PAG1: variants seen among roughly 807,000 people sequenced by gnomAD.
The protein encoded by PAG1 is phosphoprotein associated with glycosphingolipid-enriched microdomains 1.
PAG1 carries 23 observed loss-of-function variants against 31.7 expected under a neutral mutation model. That is an observed-to-expected ratio of 0.73 (90% CI 0.52 to 1.03). PAG1 has a LOEUF of 1.03. Among genes scored for constraint, PAG1 ranks in the 50% least tolerant of loss-of-function variants. The pLI is 0.00. For missense variants in PAG1, 473 were observed against 540.7 expected, an observed-to-expected ratio of 0.87 and a Z score of 1.24; for synonymous variants, 214 against 210.3, an observed-to-expected ratio of 1.02 and a Z score of -0.15.
At chr8:81,087,320 G>C (rs1809375830) in intron 1 of PAG1, among the ~76,000 whole-genome samples, 1 of 145,730 alleles carries the variant, frequency 6.9e-6, no homozygotes, top group African/African-American at 2.6e-5. Context: ...TTTAGCCTGG[G>C]CAACAGATGA....
chr8:81,006,516 G>A (rs924622482), intron 3 of PAG1, among the ~76,000 whole-genome samples: 1 of 152,190 alleles, frequency 6.6e-6, no homozygotes, highest in African/African-American at 2.4e-5. Context: ...CAGGGGCAGA[G>A]GCAGTGAAAC....
intron 1 of PAG1, among the ~76,000 whole-genome samples, chr8:81,106,814 C>T (rs1809700357): frequency 6.6e-6 from 1 of 152,092 alleles, no homozygotes; most frequent in Admixed American, 6.5e-5. Context: ...GGCTATGATA[C>T]AGACATGGAC....
chr8:81,104,342 C>T (rs1029960391), intron 1 of PAG1, among the ~76,000 whole-genome samples: 2 of 151,900 alleles, frequency 1.3e-5, no homozygotes, highest in African/African-American at 4.8e-5. Flanking sequence ...CTTAATCTTA[C>T]TATGCCATCT....
At chr8:81,006,065 C>T (rs1807871788) in intron 3 of PAG1, among the ~76,000 whole-genome samples, 1 of 152,166 alleles carries the variant, frequency 6.6e-6, no homozygotes, top group African/African-American at 2.4e-5. Context: ...ACCTTAGCCT[C>T]CCAAGTACCT....
chr8:81,019,257 A>C (rs1056841078), intron 3 of PAG1, among the ~76,000 whole-genome samples: 1 of 152,188 alleles, frequency 6.6e-6, no homozygotes, highest in Non-Finnish European at 1.5e-5. Context: ...AAAAAGAAAA[A>C]CCCATTTTCT....
At chr8:81,099,058 C>T (rs1322913180) in intron 1 of PAG1, among the ~76,000 whole-genome samples, 1 of 152,172 alleles carries the variant, frequency 6.6e-6, no homozygotes, top group Non-Finnish European at 1.5e-5. Flanking sequence ...TAGTTTTTCT[C>T]TAACTAAATG....
At chr8:80,984,718 C>G in intron 7 of PAG1, 58 bp downstream of exon 7, 1 of 1,521,328 alleles carries the variant, frequency 6.6e-7, no homozygotes, top group Non-Finnish European at 8.9e-7. Context: ...CCAGGGCCAG[C>G]TAGATTCCTA....
At chr8:81,021,604 T>C (rs1467048192) in intron 3 of PAG1, among the ~76,000 whole-genome samples, 1 of 151,202 alleles carries the variant, frequency 6.6e-6, no homozygotes, top group Non-Finnish European at 1.5e-5. Flanking sequence ...GTATTTCTTT[T>C]CTATGTAGCA....
chr8:80,991,350 G>A (rs534513921), intron 5 of PAG1, 129 bp downstream of exon 5: 148 of 727,222 alleles, frequency 2.0e-4, no homozygotes, highest in Non-Finnish European at 3.4e-4. Context: ...AGAAGCCACC[G>A]TTTAACTTAG....
intron 1 of PAG1, among the ~76,000 whole-genome samples, chr8:81,108,203 T>C (rs1809722932): frequency 6.6e-6 from 1 of 152,196 alleles, no homozygotes; most frequent in African/African-American, 2.4e-5. Flanking sequence ...ACTTTTACTA[T>C]AGAATAACCA....
At chr8:80,977,014 C>T (rs1807199804) in intron 8 of PAG1, 108 bp from the exon 9 acceptor site, 1 of 958,546 alleles carries the variant, frequency 1.0e-6, no homozygotes. Context: ...TGTGTGTACT[C>T]CTTAAAGATT....
chr8:81,003,651 G>A (rs1318620440), intron 3 of PAG1, among the ~76,000 whole-genome samples: 1 of 152,078 alleles, frequency 6.6e-6, no homozygotes, highest in African/African-American at 2.4e-5. Context: ...CCATGCCTCA[G>A]TTTCCCCTTC....
intron 5 of PAG1, 37 bp downstream of exon 5, chr8:80,991,442 G>C: frequency 6.5e-7 from 1 of 1,539,358 alleles, no homozygotes; most frequent in African/African-American, 1.4e-5. Flanking sequence ...TCTGGAGCAC[G>C]CACGGACAGA....
At chr8:81,077,091 T>G (rs1211366815) in intron 1 of PAG1, among the ~76,000 whole-genome samples, 1 of 152,210 alleles carries the variant, frequency 6.6e-6, no homozygotes, top group African/African-American at 2.4e-5. Flanking sequence ...CAGAGCTTGC[T>G]AAACAGTGTG....
At chr8:81,048,711 T>C (rs1460686925) in intron 2 of PAG1, among the ~76,000 whole-genome samples, 1 of 152,342 alleles carries the variant, frequency 6.6e-6, no homozygotes, top group Non-Finnish European at 1.5e-5. Flanking sequence ...GTCATTATTA[T>C]GATTTACATC....
At chr8:81,010,359 T>C (rs1348707135) in intron 3 of PAG1, among the ~76,000 whole-genome samples, 1 of 152,236 alleles carries the variant, frequency 6.6e-6, no homozygotes, top group Non-Finnish European at 1.5e-5. Context: ...CCACACTTTT[T>C]TTTGCTTGTT....
At chr8:81,091,977 G>T (rs1277860282) in intron 1 of PAG1, among the ~76,000 whole-genome samples, 2 of 144,990 alleles carry the variant, frequency 1.4e-5, no homozygotes, top group Non-Finnish European at 3.0e-5. Flanking sequence ...TCCAGCCTCA[G>T]CAACACAGCA....
chr8:80,988,026 T>G (rs1258679815), intron 5 of PAG1, among the ~76,000 whole-genome samples: 4 of 152,202 alleles, frequency 2.6e-5, no homozygotes, highest in African/African-American at 9.6e-5. Context: ...CCATATCCAA[T>G]AGGAGATACA....
intron 3 of PAG1, among the ~76,000 whole-genome samples, chr8:81,027,671 C>T (rs1450900615): frequency 6.6e-6 from 1 of 152,012 alleles, no homozygotes; most frequent in Non-Finnish European, 1.5e-5. Context: ...TTTGGGAGGC[C>T]GAGGCAGGCG....
Sources: allele counts gnomAD v4.1 joint callset (sites outside exome capture counted in the v4.1 genomes callset), GRCh38; gene constraint gnomAD v4.1.1; transcripts MANE v1.5; gene names NCBI Gene and HGNC (gene_info 2026-07-23, HGNC 2026-07-21).